Variants in MAN1A2 observed in about 807,000 individuals in gnomAD.
The protein encoded by MAN1A2 is mannosidase alpha class 1A member 2, also known as mannosyl-oligosaccharide 1,2-alpha-mannosidase IB.
MAN1A2 carries 26 observed loss-of-function variants against 75.7 expected under a neutral mutation model. The ratio of observed to expected loss-of-function variants is 0.34; its 90% CI spans 0.25 to 0.48. The LOEUF (loss-of-function observed/expected upper bound fraction) is 0.48, where lower values mean the gene tolerates loss of function less well. Among genes scored for constraint, MAN1A2 ranks in the 20% least tolerant of loss-of-function variants. MAN1A2 has a pLI of 0.99. For missense variants in MAN1A2, 562 were observed against 775.5 expected (o/e 0.72, Z 3.27); for synonymous variants, 247 against 264.6 (o/e 0.93, Z 0.65).
At chr1:117,423,984 G>A (rs1648287205) in intron 5 of MAN1A2, among the ~76,000 whole-genome samples, 1 of 151,310 alleles carries the variant, frequency 6.6e-6, no homozygotes, top group Non-Finnish European at 1.5e-5. Flanking sequence ...CCGGGTTCAA[G>A]CGATTCTCCT....
intron 5 of MAN1A2, among the ~76,000 whole-genome samples, chr1:117,429,501 T>C: frequency 2.2e-5 from 2 of 89,054 alleles, no homozygotes; most frequent in Non-Finnish European, 2.4e-5. Flanking sequence ...CCCACCTCCC[T>C]CCCGGACGGG....
intron 1 of MAN1A2, among the ~76,000 whole-genome samples, chr1:117,374,672 A>G (rs1653083636): frequency 6.6e-6 from 1 of 152,190 alleles, no homozygotes; most frequent in Non-Finnish European, 1.5e-5. Flanking sequence ...TTGTTGAAGT[A>G]TATTTAGATA....
rs748198928 is a variant in MAN1A2 at position 117,420,668 on chromosome 1, T to C, written c.855+19T>C. ...AGAGGAGGTGAGCAAAATCAAGCAA[T>C]GCATTGTTTGTTTTGGAGGGGAGGG... On this transcript the variant is annotated intron_variant, in intron 5 of 12. Transcript: ENST00000356554. The C allele has an allele frequency of 2.6e-6, 4 of 1,563,584 alleles. No individual in the cohort carries two copies. The highest frequency in any genetic ancestry group is 2.2e-5 in the South Asian group (2 of 89,594).
At chr1:117,506,563 T>C (rs7536598) in intron 12 of MAN1A2, among the ~76,000 whole-genome samples, 17,069 of 151,534 alleles carry the variant, frequency 0.11, 1,052 homozygotes, top group Non-Finnish European at 0.14. Context: ...CCTTCAAAGG[T>C]TCTAAAACTC....
chr1:117,427,838 T>A (rs1648426871), intron 5 of MAN1A2, among the ~76,000 whole-genome samples: 1 of 152,192 alleles, frequency 6.6e-6, no homozygotes, highest in Admixed American at 6.5e-5. Flanking sequence ...ATTATGTGAA[T>A]GCTTAGGCAA....
chr1:117,416,244 T>C (rs1570725288), intron 4 of MAN1A2, among the ~76,000 whole-genome samples: 3 of 152,292 alleles, frequency 2.0e-5, no homozygotes, highest in East Asian at 1.9e-4. Context: ...TTCTTTAACA[T>C]TGGCTTTTTT....
intron 1 of MAN1A2, among the ~76,000 whole-genome samples, chr1:117,397,015 C>A (rs1009651228): frequency 6.6e-6 from 1 of 151,202 alleles, no homozygotes; most frequent in African/African-American, 2.4e-5. Context: ...TGTCTCCTGA[C>A]TTTTGGGTTA....
chr1:117,385,880 T>TGTC (rs1653509074), intron 1 of MAN1A2, among the ~76,000 whole-genome samples: 1 of 152,214 alleles, frequency 6.6e-6, no homozygotes, highest in Non-Finnish European at 1.5e-5. Flanking sequence ...ACAGAACCAC[T>TGTC]GTCAGTGCTG....
intron 1 of MAN1A2, among the ~76,000 whole-genome samples, chr1:117,382,448 C>T (rs1408056901): frequency 6.6e-6 from 1 of 152,168 alleles, no homozygotes; most frequent in Non-Finnish European, 1.5e-5. Context: ...AATCCTTTCC[C>T]CATGTCTTGT....
chr1:117,462,753 A>G (rs1242304897), intron 7 of MAN1A2, among the ~76,000 whole-genome samples: 1 of 152,154 alleles, frequency 6.6e-6, no homozygotes, highest in Non-Finnish European at 1.5e-5. Flanking sequence ...TATGTGCCGC[A>G]GGTGATTTTC....
chr1:117,432,393 A>G (rs1388381489), intron 5 of MAN1A2, among the ~76,000 whole-genome samples: 2 of 152,214 alleles, frequency 1.3e-5, no homozygotes, highest in African/African-American at 4.8e-5. Flanking sequence ...TGATCAAGAA[A>G]TAACAGAAGA....
At chr1:117,457,295 T>A (rs558855014) in intron 6 of MAN1A2, among the ~76,000 whole-genome samples, 1 of 152,238 alleles carries the variant, frequency 6.6e-6, no homozygotes, top group African/African-American at 2.4e-5. Context: ...AATTTTTTGT[T>A]ACTCAGGTTC....
At chr1:117,384,837 T>A (rs1237230136) in intron 1 of MAN1A2, among the ~76,000 whole-genome samples, 1 of 152,206 alleles carries the variant, frequency 6.6e-6, no homozygotes, top group Non-Finnish European at 1.5e-5. Flanking sequence ...ACCATCCTTA[T>A]GCTTTCAAGT....
chr1:117,402,549 A>G (rs1267744605), intron 2 of MAN1A2, 108 bp downstream of exon 2: 37 of 1,062,248 alleles, frequency 3.5e-5, no homozygotes, highest in Non-Finnish European at 4.4e-5. Context: ...TTCTTGGGTC[A>G]TAGTTGTAGT....
At chr1:117,505,520 T>C (rs1651331734) in intron 12 of MAN1A2, among the ~76,000 whole-genome samples, 2 of 151,142 alleles carry the variant, frequency 1.3e-5, no homozygotes, top group Non-Finnish European at 3.0e-5. Flanking sequence ...AATTTTTGCT[T>C]TTAGAAAAAC....
intron 11 of MAN1A2, 54 bp from the exon 12 acceptor site, chr1:117,502,801 C>A: frequency 2.1e-6 from 2 of 930,330 alleles, no homozygotes; most frequent in Non-Finnish European, 3.5e-6. Flanking sequence ...TTTTGTTGTC[C>A]TTCAAAACTT....
rs1291530800 is a variant in MAN1A2, at chr1:117,493,201, C to T, written c.1223C>T (p.Ala408Val). The T allele has an allele frequency of 5.0e-6, 8 of 1,612,180 alleles. No individual in the cohort carries two copies. Among genetic ancestry groups the T allele is most frequent in the Non-Finnish European group, 5.9e-6 (7 of 1,179,026 alleles). Residue 408 changes from alanine to valine, a missense_variant, in exon 9 of 13, where the codon GCA becomes GTA. Physicochemically the swap from Ala to Val is moderately conservative, Grantham distance 64. Coordinates refer to ENST00000356554, the MANE Select transcript of MAN1A2 (RefSeq NM_006699.5). ...GDSFYEYLLKAWLMSDKTDHE... is the reference protein window; with the variant it reads ...GDSFYEYLLKVWLMSDKTDHE... ...AGTTTTTATGAATACTTACTGAAAGCATGGTTGATGTCAGATAAAACAGAC... is the reference window on the plus strand; with the variant it reads ...AGTTTTTATGAATACTTACTGAAAGTATGGTTGATGTCAGATAAAACAGAC...
intron 1 of MAN1A2, among the ~76,000 whole-genome samples, chr1:117,400,816 A>G (rs763245316): frequency 5.9e-4 from 90 of 152,282 alleles, no homozygotes; most frequent in Admixed American, 1.4e-3. Context: ...ACATTTGTGT[A>G]TAGTCCTTTG....
At chr1:117,369,550 G>C (rs1047410853) in intron 1 of MAN1A2, among the ~76,000 whole-genome samples, 1 of 152,162 alleles carries the variant, frequency 6.6e-6, no homozygotes, top group Non-Finnish European at 1.5e-5. Context: ...ACTGTTTTAT[G>C]AGAACTGGTT....
Sources: gnomAD v4.1 joint callset for allele counts (sites outside exome capture counted in the v4.1 genomes callset) on GRCh38, gnomAD v4.1.1 for gene constraint, MANE v1.5 for transcripts, NCBI Gene and HGNC (gene_info 2026-07-23, HGNC 2026-07-21) for gene names.